Variants in SIMC1 observed in about 807,000 individuals in gnomAD.
The protein encoded by SIMC1 is SUMO interacting motifs containing 1, also known as SUMO-interacting motif-containing protein 1.
Under a neutral mutation model 82.3 loss-of-function variants are expected in SIMC1, and 55 were observed. The ratio of observed to expected loss-of-function variants is 0.67; its 90% CI spans 0.54 to 0.84. The LOEUF (loss-of-function observed/expected upper bound fraction) is 0.84, where lower values mean the gene tolerates loss of function less well. Among genes scored for constraint, SIMC1 ranks in the 40% least tolerant of loss-of-function variants. The probability of loss-of-function intolerance (pLI) is 0.00; values close to 1 mark genes in which losing one functional copy is unlikely to be tolerated. For synonymous variants in SIMC1, 353 were observed against 426.3 expected (o/e 0.83, Z 2.12); for missense variants, 915 against 1,107.2 (o/e 0.83, Z 2.46).
At chr5:176,335,273 C>CTTTTTTTTTTT (rs1225021593) in intron 7 of SIMC1, among the ~76,000 whole-genome samples, 6 of 98,668 alleles carry the variant, frequency 6.1e-5, no homozygotes, top group Admixed American at 1.3e-4. Context: ...TTCTTTGTAT[C>CTTTTTTTTTTT]TTTTTTTTTT....
intron 1 of SIMC1, 84 bp downstream of exon 1, chr5:176,238,721 TCACAG>T: frequency 9.8e-7 from 1 of 1,021,962 alleles, no homozygotes; most frequent in East Asian, 4.6e-5. Flanking sequence ...CCCTGGCGCC[TCACAG>T]CTGCAGCCAC....
Position 176,254,476 on chromosome 5 carries a change from A to G in SIMC1, c.129+15839A>G, listed in dbSNP as rs536414178. ...GAGACTTGCCCCTTAAAATTTATCT[A>G]GTTTTAGCTTTTAGGATTTCAGGAA... On this transcript the variant is annotated intron_variant, in intron 1 of 9. Coordinates refer to ENST00000429602, the MANE Select transcript of SIMC1 (RefSeq NM_001308195.2). 1.7e-3 allele frequency among the ~76,000 whole-genome samples: 262 copies of G among 150,896 alleles called. 1 individual carries two copies. Among genetic ancestry groups the G allele is most frequent in the African/African-American group, 6.0e-3 (243 of 40,762 alleles).
At chr5:176,279,021 A>C (rs747028259) in intron 1 of SIMC1, among the ~76,000 whole-genome samples, 3 of 152,178 alleles carry the variant, frequency 2.0e-5, no homozygotes, top group Non-Finnish European at 2.9e-5. Context: ...TTTCAGAAGG[A>C]GTGGTACCAG....
At position 176,290,097 on chromosome 5, in the gene SIMC1, T is replaced by C. The variant is rs146265095; in HGVS notation, c.573T>C (p.Asn191=). The C allele has an allele frequency of 3.1e-6, 5 of 1,606,586 alleles. No individual in the cohort carries two copies. The highest frequency in any genetic ancestry group is 4.2e-6 in the Non-Finnish European group (5 of 1,176,492). Reference sequence around the variant, plus strand: ...GCTCCCTCTCCCCAACAAGCAATAATAGTAGGAGCAGCAGCAGCAGCAGCA... The same window carrying C: ...GCTCCCTCTCCCCAACAAGCAATAACAGTAGGAGCAGCAGCAGCAGCAGCA... ...DVSSLSPTSN[N]SRSSSSSSNQ... The change falls in exon 2 of 10, where the codon AAT becomes AAC. Residue 191 remains asparagine, a synonymous_variant. Coordinates refer to ENST00000429602, the MANE Select transcript of SIMC1 (RefSeq NM_001308195.2).
At position 176,290,365 on chromosome 5, in the gene SIMC1, G is replaced by T; in HGVS notation, c.841G>T (p.Asp281Tyr). The change falls in exon 2 of 10, where the codon GAC (aspartate) becomes TAC (tyrosine). Residue 281 changes from aspartate (D) to tyrosine (Y), a missense_variant. By Grantham distance (160) the Asp-to-Tyr change is radical (BLOSUM62 -3). Around this residue, in one of 2 missense-constraint regions of SIMC1, gnomAD observed 902 missense variants for 1,040.3 expected, o/e 0.87. Transcript: ENST00000429602. ...PRQNIPGPPQ[D>Y]SLGLPQDVPG... Reference sequence around the variant, plus strand: ...GCAGAATATCCCAGGCCCACCTCAAGACTCTCTGGGCCTACCTCAAGATGT... The same window carrying T: ...GCAGAATATCCCAGGCCCACCTCAATACTCTCTGGGCCTACCTCAAGATGT... 1 of 1,613,976 alleles carries T rather than the reference G, an allele frequency of 6.2e-7. No individual in the cohort carries two copies.
At chr5:176,261,319 T>C (rs1315841792) in intron 1 of SIMC1, among the ~76,000 whole-genome samples, 1 of 152,206 alleles carries the variant, frequency 6.6e-6, no homozygotes, top group African/African-American at 2.4e-5. Context: ...TTTTCCTATT[T>C]CAAATGAAGT....
Position 176,290,859 on chromosome 5 carries a change from C to A in SIMC1, c.1335C>A (p.Tyr445Ter). ...VQSRTPQGGL[Y>*]NRPCLHRLKY... Reference sequence around the variant, plus strand: ...CACGAACACCACAAGGTGGGTTGTACAACAGACCATGCCTGCATAGACTGA... The same window carrying A: ...CACGAACACCACAAGGTGGGTTGTAAAACAGACCATGCCTGCATAGACTGA... The change falls in exon 2 of 10, where the codon TAC (tyrosine) becomes TAA (stop). Residue 445 changes from tyrosine (Y) to a stop codon, truncating the protein, a stop_gained. Coordinates refer to ENST00000429602, the MANE Select transcript of SIMC1 (RefSeq NM_001308195.2). LOFTEE classifies it high-confidence loss of function. The A allele has an allele frequency of 6.2e-7, 1 of 1,613,646 alleles. No individual in the cohort carries two copies. The highest frequency in any genetic ancestry group is 8.5e-7 in the Non-Finnish European group (1 of 1,179,692).
intron 1 of SIMC1, among the ~76,000 whole-genome samples, chr5:176,259,525 C>T (rs557600664): frequency 2.6e-5 from 4 of 152,350 alleles, no homozygotes; most frequent in Admixed American, 6.5e-5. Flanking sequence ...ATAATCCCAA[C>T]ACTTTGGGAG....
chr5:176,275,400 C>T (rs1762641762), intron 1 of SIMC1, among the ~76,000 whole-genome samples: 2 of 151,830 alleles, frequency 1.3e-5, no homozygotes, highest in Admixed American at 6.6e-5. Flanking sequence ...TCTAAATATA[C>T]AATCATGTCA....
At chr5:176,335,477 G>A (rs1382020375) in intron 7 of SIMC1, among the ~76,000 whole-genome samples, 6 of 151,218 alleles carry the variant, frequency 4.0e-5, no homozygotes, top group Non-Finnish European at 8.8e-5. Context: ...GGGTATCACC[G>A]TTTTTGCCCA....
At chr5:176,270,493 A>G (rs1762377792) in intron 1 of SIMC1, 1 of 152,174 alleles carries the variant, frequency 6.6e-6, no homozygotes, top group African/African-American at 2.4e-5. Flanking sequence ...CCACACAAGA[A>G]AGCACTTTCA....
At position 176,308,553 on chromosome 5, in the gene SIMC1, A is replaced by G. The variant is rs1208252389; in HGVS notation, c.1735-5138A>G. ...CTGTTTCATAGAAGATAAGAACACAAGGGCTGGCCGGGTACTCTACACTTG... is the reference window on the plus strand; with the variant it reads ...CTGTTTCATAGAAGATAAGAACACAGGGGCTGGCCGGGTACTCTACACTTG... On this transcript the variant is annotated intron_variant, in intron 4 of 9. Coordinates refer to ENST00000429602, the MANE Select transcript of SIMC1 (RefSeq NM_001308195.2). 3.8e-6 allele frequency: 6 copies of G among 1,598,832 alleles called. No individual in the cohort carries two copies. In the African/African-American group the frequency reaches 8.0e-5, roughly 21 times the overall value.
intron 4 of SIMC1, among the ~76,000 whole-genome samples, chr5:176,304,870 T>C (rs374266918): frequency 4.8e-5 from 7 of 146,658 alleles, no homozygotes; most frequent in Non-Finnish European, 7.5e-5. Flanking sequence ...CGCCTCTGCC[T>C]GGCCGAGACC....
intron 1 of SIMC1, among the ~76,000 whole-genome samples, chr5:176,245,767 A>G (rs1219728466): frequency 3.3e-5 from 5 of 152,184 alleles, no homozygotes; most frequent in Admixed American, 6.6e-5. Flanking sequence ...AAGGAAGGCA[A>G]AAGCTTTTAA....
chr5:176,319,519 T>C (rs1765066133), intron 5 of SIMC1, among the ~76,000 whole-genome samples: 1 of 152,022 alleles, frequency 6.6e-6, no homozygotes, highest in Non-Finnish European at 1.5e-5. Flanking sequence ...GAGCAAGCCC[T>C]CATCTCTAAA....
intron 1 of SIMC1, among the ~76,000 whole-genome samples, chr5:176,246,407 G>GTT (rs1761444036): frequency 7.3e-6 from 1 of 136,972 alleles, no homozygotes; most frequent in Admixed American, 7.4e-5. Flanking sequence ...ATAGTTCAGG[G>GTT]GTGTGTGTGT....
chr5:176,297,686 T>G (rs1763880970), intron 4 of SIMC1, among the ~76,000 whole-genome samples: 1 of 152,160 alleles, frequency 6.6e-6, no homozygotes, highest in Non-Finnish European at 1.5e-5. Flanking sequence ...CTAAAACAAA[T>G]TACTTAGAAT....
intron 4 of SIMC1, chr5:176,309,067 C>G: frequency 1.4e-6 from 1 of 718,404 alleles, no homozygotes. Flanking sequence ...GTTACTTAAG[C>G]TAAATCAATT....
At chr5:176,278,270 G>C (rs1171828475) in intron 1 of SIMC1, among the ~76,000 whole-genome samples, 1,747 of 51,670 alleles carry the variant, frequency 0.034, no homozygotes, top group Non-Finnish European at 0.049. Flanking sequence ...TGGTGTATAA[G>C]AATGCTTGTG....
Sources: gnomAD v4.1 joint callset for allele counts (sites outside exome capture counted in the v4.1 genomes callset) on GRCh38, gnomAD v4.1.1 for gene constraint, gnomAD v4.1.1 regional missense constraint, MANE v1.5 for transcripts, NCBI Gene and HGNC (gene_info 2026-07-23, HGNC 2026-07-21) for gene names.